The following CEACAM21 variants were observed in gnomAD, a reference collection of about 807,000 sequenced individuals.
CEACAM21 encodes the protein CEA cell adhesion molecule 21.
In CEACAM21, 38 loss-of-function variants were observed where a neutral mutation model predicts 33.2. That is an observed-to-expected ratio of 1.14 (90% CI 0.88 to 1.50). The LOEUF (loss-of-function observed/expected upper bound fraction) is 1.50, where lower values mean the gene tolerates loss of function less well. CEACAM21 is among the 40% of genes most tolerant of loss of function. The pLI is 0.00. For missense variants in CEACAM21, 385 were observed against 364.6 expected, an observed-to-expected ratio of 1.06 and a Z score of -0.46; for synonymous variants, 156 against 143.0, an observed-to-expected ratio of 1.09 and a Z score of -0.65.
chr19:41,580,962 A>G (rs1555793326), intron 3 of CEACAM21, among the ~76,000 whole-genome samples: 1 of 152,220 alleles, frequency 6.6e-6, no homozygotes, highest in Admixed American at 6.5e-5. Flanking sequence ...GTCAATTATT[A>G]GCTTGAAAAA....
chr19:41,565,278 G>A (rs1265451576), intron 2 of CEACAM21, among the ~76,000 whole-genome samples: 2 of 152,126 alleles, frequency 1.3e-5, no homozygotes, highest in Admixed American at 1.3e-4. Flanking sequence ...ACAGTGGGGA[G>A]GAGAAGGGGG....
At chr19:41,578,056 C>T (rs181787118) in intron 2 of CEACAM21, among the ~76,000 whole-genome samples, 2 of 152,160 alleles carry the variant, frequency 1.3e-5, no homozygotes, top group Admixed American at 1.3e-4. Flanking sequence ...GTCCCAGGGC[C>T]GTGGTTCCTA....
chr19:41,581,072 G>A (rs917108991), intron 3 of CEACAM21, among the ~76,000 whole-genome samples: 2 of 152,190 alleles, frequency 1.3e-5, no homozygotes, highest in African/African-American at 4.8e-5. Context: ...GCCATAAACT[G>A]GCCCCAAAAC....
chr19:41,563,446 A>C (rs559501323), intron 1 of CEACAM21, among the ~76,000 whole-genome samples: 1 of 152,252 alleles, frequency 6.6e-6, no homozygotes, highest in East Asian at 1.9e-4. Flanking sequence ...GAGGCGAGGC[A>C]CTCTGTAACC....
At chr19:41,554,702 T>G (rs1555785132) in intron 1 of CEACAM21, among the ~76,000 whole-genome samples, 2 of 152,058 alleles carry the variant, frequency 1.3e-5, no homozygotes, top group African/African-American at 4.8e-5. Context: ...AAGGTAACAT[T>G]TTTATAGACT....
intron 4 of CEACAM21, 90 bp downstream of exon 4, chr19:41,584,533 C>T: frequency 8.5e-7 from 1 of 1,175,570 alleles, no homozygotes; most frequent in Non-Finnish European, 1.2e-6. Flanking sequence ...CAGTGCCAGG[C>T]TCTCCCCAGC....
chr19:41,557,503 T>A (rs2041609279), intron 1 of CEACAM21, among the ~76,000 whole-genome samples: 2 of 152,162 alleles, frequency 1.3e-5, no homozygotes, highest in Non-Finnish European at 2.9e-5. Context: ...AGTATCAGCA[T>A]GTGAGGACCA....
At chr19:41,572,730 A>C (rs2042691457), upstream of CEACAM21, among the ~76,000 whole-genome samples, 1 of 152,112 alleles carries the variant, frequency 6.6e-6, no homozygotes, top group Non-Finnish European at 1.5e-5. Context: ...TGAGCATAGA[A>C]TCCGGCCCTG....
At chr19:41,582,050 G>T (rs2122274454) in intron 3 of CEACAM21, among the ~76,000 whole-genome samples, 1 of 152,314 alleles carries the variant, frequency 6.6e-6, no homozygotes, top group Admixed American at 6.5e-5. Flanking sequence ...AGCAAGCTTA[G>T]TTACTTCCTA....
intron 2 of CEACAM21, among the ~76,000 whole-genome samples, chr19:41,567,829 G>GT (rs1387656863): frequency 1.3e-4 from 19 of 150,874 alleles, no homozygotes; most frequent in African/African-American, 3.9e-4. Flanking sequence ...GTGGGTCCCA[G>GT]TTTTTTTTGT....
At chr19:41,585,588 C>G (rs892272911) in intron 5 of CEACAM21, 93 bp downstream of exon 5, 9 of 1,380,128 alleles carry the variant, frequency 6.5e-6, no homozygotes, top group Admixed American at 3.5e-5. Flanking sequence ...GCCTCTGACC[C>G]TATCCCTGGG....
chr19:41,570,730 T>C (rs2042547494), intron 2 of CEACAM21, among the ~76,000 whole-genome samples: 1 of 151,984 alleles, frequency 6.6e-6, no homozygotes, highest in Admixed American at 6.6e-5. Context: ...AGGGCTGGGG[T>C]TGTGGCAGTA....
Position 41,579,518 on chromosome 19 carries a change from A to G in CEACAM21, c.590A>G (p.His197Arg), listed in dbSNP as rs782496086. Residue 197 changes from histidine to arginine, a missense_variant, in exon 3 of 7, where the codon CAT (histidine) becomes CGT (arginine). By Grantham distance (29) the His-to-Arg change is conservative (BLOSUM62 0). Transcript: ENST00000401445. ...TKRMKLSWFN[H>R]VLTIDPIRQE... ...AGGATGAAGCTGTCCTGGTTTAACC[A>G]TGTGCTCACCATAGACCCCATCAGG... is the stretch of plus-strand genomic sequence containing the variant. 1 of 1,613,686 alleles carries G rather than the reference A, an allele frequency of 6.2e-7. No individual in the cohort carries two copies. Among genetic ancestry groups the G allele is most frequent in the Non-Finnish European group, 8.5e-7 (1 of 1,179,742 alleles).
intron 3 of CEACAM21, among the ~76,000 whole-genome samples, chr19:41,584,063 T>C (rs1181659434): frequency 1.3e-5 from 2 of 148,462 alleles, no homozygotes; most frequent in African/African-American, 5.0e-5. Context: ...GGAAGAGGAG[T>C]GATGTGAGAG....
chr19:41,583,547 G>T (rs1445260901), intron 3 of CEACAM21, among the ~76,000 whole-genome samples: 1 of 152,172 alleles, frequency 6.6e-6, no homozygotes, highest in Non-Finnish European at 1.5e-5. Flanking sequence ...TGAAGAAAGA[G>T]GTTTAATTGA....
chr19:41,577,682 A>T (rs2043054979), intron 2 of CEACAM21, 123 bp downstream of exon 2: 1 of 1,420,804 alleles, frequency 7.0e-7, no homozygotes, highest in Non-Finnish European at 9.6e-7. Context: ...GGGTTTGGGC[A>T]TTTAGTGCAG....
rs531215335 is a variant in CEACAM21 at position 41,584,723 on chromosome 19, G to T, written c.797+280G>T. Among the ~76,000 whole-genome samples, 6 of 152,270 alleles carry T rather than the reference G, an allele frequency of 3.9e-5. No homozygotes were observed. In the East Asian group the frequency reaches 7.7e-4, roughly 20 times the overall value. On this transcript the variant is annotated intron_variant, in intron 4 of 6. Coordinates refer to ENST00000401445, the MANE Select transcript of CEACAM21 (RefSeq NM_001098506.4). ...AAGCCACAGCTGCCTGGAGCAGGGG[G>T]GAGCGGTGCTCAATACCTGGTACCT...
At chr19:41,565,296 C>A (rs1391561077) in intron 2 of CEACAM21, among the ~76,000 whole-genome samples, 2 of 152,072 alleles carry the variant, frequency 1.3e-5, no homozygotes, top group Non-Finnish European at 2.9e-5. Context: ...GGGTGGGGAG[C>A]CTAAGGAGAG....
Position 41,579,544 on chromosome 19 carries a change from C to A in CEACAM21, c.616C>A (p.Gln206Lys), listed in dbSNP as rs781973398. Reference sequence around the variant, plus strand: ...TGTGCTCACCATAGACCCCATCAGGCAGGAGGACGCTGGGGAGTATCAGTG... The same window carrying A: ...TGTGCTCACCATAGACCCCATCAGGAAGGAGGACGCTGGGGAGTATCAGTG... ...NHVLTIDPIR[Q>K]EDAGEYQCEV... Residue 206 changes from glutamine (Q) to lysine (K), a missense_variant, in exon 3 of 7, where the codon CAG becomes AAG. Transcript: ENST00000401445. The A allele has an allele frequency of 2.7e-5, 44 of 1,611,130 alleles. No homozygotes were observed. Among genetic ancestry groups the A allele is most frequent in the Non-Finnish European group, 3.7e-5 (44 of 1,178,468 alleles).
Sources: gnomAD v4.1 joint callset for allele counts (sites outside exome capture counted in the v4.1 genomes callset) on GRCh38, gnomAD v4.1.1 for gene constraint, MANE v1.5 for transcripts, NCBI Gene and HGNC (gene_info 2026-07-23, HGNC 2026-07-21) for gene names.